Variants in PDZRN4 observed in about 807,000 individuals in gnomAD.
PDZRN4 encodes PDZ domain containing ring finger 4.
Under a neutral mutation model 99.0 loss-of-function variants are expected in PDZRN4, and 70 were observed. That is an observed-to-expected ratio of 0.71 (90% CI 0.58 to 0.86). The LOEUF is 0.86. PDZRN4 is among the 40% of genes least tolerant of loss of function. PDZRN4 has a pLI of 0.00. For missense variants in PDZRN4, 1,474 were observed against 1,331.2 expected, an observed-to-expected ratio of 1.11 and a Z score of -1.67; for synonymous variants, 551 against 501.6, an observed-to-expected ratio of 1.10 and a Z score of -1.32.
At chr12:41,233,264 C>T (rs921785784) in intron 3 of PDZRN4, among the ~76,000 whole-genome samples, 8 of 152,000 alleles carry the variant, frequency 5.3e-5, no homozygotes, top group Non-Finnish European at 7.4e-5. Context: ...GTTAGAATGG[C>T]GATCATTAAA....
chr12:41,274,176 G>C (rs1951334627), intron 3 of PDZRN4, among the ~76,000 whole-genome samples: 1 of 151,946 alleles, frequency 6.6e-6, no homozygotes. Flanking sequence ...ATCCTAATGA[G>C]TGTGTGTAAA....
rs192936004 is a variant in PDZRN4, at chr12:41,291,360, T to C, written c.843+97172T>C. 2.6e-5 allele frequency among the ~76,000 whole-genome samples: 4 copies of C among 152,276 alleles called. No individual in the cohort carries two copies. The East Asian group carries it at 7.7e-4, about 29-fold the overall frequency. The stretch of plus-strand genomic sequence containing the variant: ...GCTTAGGTGAAGGCCTTCGTGAGCA[T>C]GGTAGCATTTCTTGGATGTAGCCAG... On this transcript the variant is annotated intron_variant, in intron 3 of 9. Transcript: ENST00000402685.
intron 3 of PDZRN4, among the ~76,000 whole-genome samples, chr12:41,241,881 G>A (rs1951104022): frequency 6.6e-6 from 1 of 152,184 alleles, no homozygotes; most frequent in African/African-American, 2.4e-5. Context: ...AACTAAGTCT[G>A]TCAGAACTTT....
chr12:41,208,011 G>A (rs1012827816), intron 3 of PDZRN4, among the ~76,000 whole-genome samples: 33 of 151,712 alleles, frequency 2.2e-4, no homozygotes, highest in Non-Finnish European at 1.5e-4. Context: ...GGCACTTGGA[G>A]TTTGTAATAG....
intron 3 of PDZRN4, among the ~76,000 whole-genome samples, chr12:41,453,477 G>C (rs1242687776): frequency 6.6e-6 from 1 of 152,196 alleles, no homozygotes; most frequent in Non-Finnish European, 1.5e-5. Flanking sequence ...TTGAAAGTCT[G>C]ACCTGCGGAC....
chr12:41,272,431 T>A (rs1951320417), intron 3 of PDZRN4, among the ~76,000 whole-genome samples: 1 of 152,104 alleles, frequency 6.6e-6, no homozygotes, highest in East Asian at 1.9e-4. Context: ...AGTGACCTGT[T>A]TGACTTATTA....
At position 41,202,030 on chromosome 12, in the gene PDZRN4, C is replaced by T. The variant is rs1408436900; in HGVS notation, c.843+7842C>T. Reference sequence around the variant, plus strand: ...CATGCTTGCCTGCAAAGCAGATGTGCAGAGAATGGCACTGGACCAATTATG... The same window carrying T: ...CATGCTTGCCTGCAAAGCAGATGTGTAGAGAATGGCACTGGACCAATTATG... On this transcript the variant is annotated intron_variant, in intron 3 of 9. Transcript: ENST00000402685. 6.6e-5 allele frequency among the ~76,000 whole-genome samples: 10 copies of T among 152,200 alleles called. No homozygotes were observed. In the East Asian group the frequency reaches 1.7e-3, roughly 27 times the overall value.
chr12:41,531,405 T>C (rs1372654791), intron 5 of PDZRN4, among the ~76,000 whole-genome samples: 1 of 152,142 alleles, frequency 6.6e-6, no homozygotes, highest in East Asian at 1.9e-4. Flanking sequence ...TGCTTGTGTG[T>C]TCCTCCTCCG....
chr12:41,487,705 A>G (rs1180964813), intron 3 of PDZRN4, among the ~76,000 whole-genome samples: 1 of 152,206 alleles, frequency 6.6e-6, no homozygotes, highest in Non-Finnish European at 1.5e-5. Flanking sequence ...CCTGATATCT[A>G]GCAATTAAAA....
At chr12:41,211,474 T>TC (rs1004504971) in intron 3 of PDZRN4, among the ~76,000 whole-genome samples, 1 of 152,004 alleles carries the variant, frequency 6.6e-6, no homozygotes, top group African/African-American at 2.4e-5. Context: ...TGTTTTTTTT[T>TC]CTAGTAATTC....
chr12:41,207,101 T>C (rs1950856137), intron 3 of PDZRN4, among the ~76,000 whole-genome samples: 1 of 151,994 alleles, frequency 6.6e-6, no homozygotes, highest in African/African-American at 2.4e-5. Context: ...ATAAGGATGA[T>C]CAAAGAAGAA....
intron 5 of PDZRN4, among the ~76,000 whole-genome samples, chr12:41,527,680 T>G (rs1938592883): frequency 6.6e-6 from 1 of 152,192 alleles, no homozygotes; most frequent in African/African-American, 2.4e-5. Flanking sequence ...ACCAAAGTCA[T>G]TTGGGCAAGC....
At chr12:41,387,782 T>G (rs762123458) in intron 3 of PDZRN4, among the ~76,000 whole-genome samples, 18 of 152,164 alleles carry the variant, frequency 1.2e-4, no homozygotes, top group Non-Finnish European at 1.9e-4. Flanking sequence ...AAATAACAGA[T>G]GCTGGTGAGG....
intron 3 of PDZRN4, among the ~76,000 whole-genome samples, chr12:41,292,654 G>A (rs1259489380): frequency 1.3e-5 from 2 of 151,886 alleles, no homozygotes; most frequent in Admixed American, 6.6e-5. Context: ...GCCATGCCTG[G>A]TAGCATGAGA....
chr12:41,513,153 A>G lies in PDZRN4; in HGVS notation c.1203+3240A>G, dbSNP rs115986085. On this transcript the variant is annotated intron_variant, in intron 5 of 9. Transcript: ENST00000402685. The stretch of plus-strand genomic sequence containing the variant: ...AAACAGATCTGACTATCTTGTAAAT[A>G]CATATTTAGGGACTTTTAACACACA... 2.7e-3 allele frequency among the ~76,000 whole-genome samples: 416 copies of G among 152,192 alleles called. 3 individuals carry two copies. Among genetic ancestry groups the G allele is most frequent in the African/African-American group, 9.2e-3 (382 of 41,554 alleles).
At chr12:41,533,230 AGT>A in intron 5 of PDZRN4, among the ~76,000 whole-genome samples, 1 of 150,702 alleles carries the variant, frequency 6.6e-6, no homozygotes, top group Non-Finnish European at 1.5e-5. Flanking sequence ...GCTGGAGGGC[AGT>A]GGTACGATCT....
At chr12:41,563,434 A>G in intron 7 of PDZRN4, 114 bp from the exon 8 acceptor site, 2 of 745,754 alleles carry the variant, frequency 2.7e-6, no homozygotes, top group Non-Finnish European at 4.6e-6. Flanking sequence ...AGATGAGCCC[A>G]TTGTGTGAGC....
At chr12:41,234,304 G>A (rs1413593292) in intron 3 of PDZRN4, among the ~76,000 whole-genome samples, 1 of 151,988 alleles carries the variant, frequency 6.6e-6, no homozygotes, top group Non-Finnish European at 1.5e-5. Context: ...ATGTAAATTA[G>A]GAATATGAGC....
rs923369003 is a variant in PDZRN4 at position 41,255,046 on chromosome 12, G to A, written c.843+60858G>A. On this transcript the variant is annotated intron_variant, in intron 3 of 9. Coordinates refer to ENST00000402685, the MANE Select transcript of PDZRN4 (RefSeq NM_001164595.2). ...GCTGTAGTCACACAACTGCCCTCCA[G>A]CATAAAGAAAAGAAAAGAAAGAGAA... Among the ~76,000 whole-genome samples, 5 of 152,152 alleles carry A rather than the reference G, an allele frequency of 3.3e-5. No individual in the cohort carries two copies. The East Asian group carries it at 5.8e-4, about 18-fold the overall frequency.
Sources: gnomAD v4.1 joint callset for allele counts (sites outside exome capture counted in the v4.1 genomes callset) on GRCh38, gnomAD v4.1.1 for gene constraint, MANE v1.5 for transcripts, NCBI Gene and HGNC (gene_info 2026-07-23, HGNC 2026-07-21) for gene names.